FSTL4: variants seen among roughly 807,000 people sequenced by gnomAD.
The protein encoded by FSTL4 is follistatin-related protein 4.
Under a neutral mutation model 78.2 loss-of-function variants are expected in FSTL4, and 28 were observed. That is an observed-to-expected ratio of 0.36 (90% CI 0.27 to 0.49). The LOEUF (loss-of-function observed/expected upper bound fraction) is 0.49. Among genes scored for constraint, FSTL4 ranks in the 20% least tolerant of loss-of-function variants. FSTL4 has a pLI of 0.98. For missense variants in FSTL4, 922 were observed against 1,084.9 expected, an observed-to-expected ratio of 0.85 and a Z score of 2.11; for synonymous variants, 422 against 440.5, an observed-to-expected ratio of 0.96 and a Z score of 0.53.
the FSTL4 span, among the ~76,000 whole-genome samples, chr5:133,663,494 T>C: frequency 2.6e-5 from 4 of 152,242 alleles, no homozygotes; most frequent in African/African-American, 9.6e-5. Flanking sequence ...ATTGGTTAAC[T>C]GATGAGTGTT....
At chr5:133,647,289 G>A in the FSTL4 span, among the ~76,000 whole-genome samples, 166 of 152,244 alleles carry the variant, frequency 1.1e-3, no homozygotes, top group Non-Finnish European at 1.9e-3. Flanking sequence ...TAAAATCACT[G>A]ATGTTTTAGC....
At chr5:133,647,723 C>T in the FSTL4 span, among the ~76,000 whole-genome samples, 1 of 152,132 alleles carries the variant, frequency 6.6e-6, no homozygotes, top group African/African-American at 2.4e-5. Flanking sequence ...GTCTCTTTAC[C>T]CTTCTTAGGG....
the FSTL4 span, among the ~76,000 whole-genome samples, chr5:133,822,250 C>T: frequency 6.6e-6 from 1 of 152,150 alleles, no homozygotes; most frequent in African/African-American, 2.4e-5. Flanking sequence ...ATTTGTGGAG[C>T]TATTTCAATT....
At chr5:133,789,965 C>T in the FSTL4 span, among the ~76,000 whole-genome samples, 18 of 152,120 alleles carry the variant, frequency 1.2e-4, no homozygotes, top group East Asian at 3.3e-3. Context: ...AAATATTTAC[C>T]CCATAACGCT....
At chr5:133,778,154 A>G in the FSTL4 span, among the ~76,000 whole-genome samples, 3 of 152,154 alleles carry the variant, frequency 2.0e-5, no homozygotes, top group African/African-American at 7.2e-5. Flanking sequence ...GACCTTCCAC[A>G]TCTGCCCCCC....
At chr5:133,331,678 A>G (rs571981978) in intron 4 of FSTL4, among the ~76,000 whole-genome samples, 7 of 152,294 alleles carry the variant, frequency 4.6e-5, no homozygotes, top group African/African-American at 1.7e-4. Context: ...GCTCAGAGAA[A>G]TTTCCTGAGG....
chr5:133,368,772 C>T (rs929781193), intron 4 of FSTL4, among the ~76,000 whole-genome samples: 1 of 152,192 alleles, frequency 6.6e-6, no homozygotes, highest in Non-Finnish European at 1.5e-5. Flanking sequence ...CAGCTGTGCC[C>T]TTGGCCTTGC....
Position 133,225,781 on chromosome 5 carries a change from G to A in FSTL4, c.1054C>T (p.Gln352Ter), listed in dbSNP as rs1251838336. The A allele has an allele frequency of 6.2e-7, 1 of 1,606,520 alleles. No individual in the cohort carries two copies. Among genetic ancestry groups the A allele is most frequent in the Non-Finnish European group, 8.5e-7 (1 of 1,176,672 alleles). The change falls in exon 9 of 16, where the codon CAG (glutamine) becomes TAG (stop). Residue 352 changes from glutamine to a stop codon, truncating the protein, a stop_gained. Coordinates refer to ENST00000265342, the MANE Select transcript of FSTL4 (RefSeq NM_015082.2). LOFTEE classifies it high-confidence loss of function. This position sits in a 1 kb window ranked among gnomAD's most constrained non-coding sequence, Gnocchi z 4.6. ...AGGCTGGCTGCCACTCCAGGCTCCT[G>A]TGCCTGGCTCTCTGGATAGACACGG... ...VIRVYPESQAQEPGVAASLRC... is the reference protein window; with the variant it reads ...VIRVYPESQA
At position 133,236,890 on chromosome 5, in the gene FSTL4, A is replaced by G. The variant is rs1424084555; in HGVS notation, c.895-3353T>C. Among the ~76,000 whole-genome samples the G allele has an allele frequency of 1.3e-5, 2 of 151,454 alleles. No individual in the cohort carries two copies. Among genetic ancestry groups the G allele is most frequent in the Middle Eastern group, 3.2e-3 (1 of 316 alleles). ...GTGCCGCCTGCTGCTTTCTGTACTT[A>G]CCTTGTTTGCTGTCTGTCTTCCCCT... is the stretch of plus-strand genomic sequence containing the variant. On this transcript the variant is annotated intron_variant, in intron 7 of 15. Coordinates refer to ENST00000265342, the MANE Select transcript of FSTL4 (RefSeq NM_015082.2). This position sits in a 1 kb window ranked among gnomAD's most constrained non-coding sequence, Gnocchi z 5.0.
intron 4 of FSTL4, among the ~76,000 whole-genome samples, chr5:133,328,562 T>G (rs927135705): frequency 3.3e-5 from 5 of 152,170 alleles, no homozygotes; most frequent in Non-Finnish European, 7.3e-5. Context: ...AAGAACTTTA[T>G]TTTTTACTAT....
chr5:133,277,891 G>A (rs907165572), intron 6 of FSTL4, among the ~76,000 whole-genome samples: 14 of 152,172 alleles, frequency 9.2e-5, no homozygotes, highest in Admixed American at 5.9e-4. Flanking sequence ...GAGTAGGTGG[G>A]GGCCTCATAG....
At chr5:133,307,711 A>G (rs552412911) in intron 6 of FSTL4, among the ~76,000 whole-genome samples, 6 of 151,900 alleles carry the variant, frequency 3.9e-5, no homozygotes, top group African/African-American at 1.5e-4. Context: ...ATGTACTTGA[A>G]GTCAGGACAG....
At chr5:133,410,589 G>A (rs189265071) in intron 3 of FSTL4, among the ~76,000 whole-genome samples, 1 of 152,282 alleles carries the variant, frequency 6.6e-6, no homozygotes, top group African/African-American at 2.4e-5. Flanking sequence ...CAGCACAGAT[G>A]GGGAGCTAAA....
chr5:133,421,004 C>T (rs1468905458), intron 3 of FSTL4, among the ~76,000 whole-genome samples: 3 of 152,232 alleles, frequency 2.0e-5, no homozygotes, highest in Admixed American at 6.5e-5. Flanking sequence ...CTGCCTGCTT[C>T]TCACCCCTAT....
chr5:133,766,057 G>C, the FSTL4 span, among the ~76,000 whole-genome samples: 1 of 152,136 alleles, frequency 6.6e-6, no homozygotes, highest in East Asian at 1.9e-4. Flanking sequence ...GACCCATAAG[G>C]AGGAGTGACT....
At chr5:133,555,714 G>C (rs145063808) in intron 3 of FSTL4, among the ~76,000 whole-genome samples, 3 of 152,028 alleles carry the variant, frequency 2.0e-5, no homozygotes, top group African/African-American at 7.2e-5. Flanking sequence ...TTTATTTTCC[G>C]CTGAAGTTTC....
chr5:133,208,563 T>G (rs191543368), intron 14 of FSTL4, among the ~76,000 whole-genome samples: 4 of 152,360 alleles, frequency 2.6e-5, no homozygotes, highest in African/African-American at 9.6e-5. Context: ...AAACTTCTGT[T>G]CTTCCCACTT....
intron 4 of FSTL4, among the ~76,000 whole-genome samples, chr5:133,321,147 G>T (rs1318014023): frequency 6.6e-6 from 1 of 152,186 alleles, no homozygotes; most frequent in Non-Finnish European, 1.5e-5. Context: ...AAGAGAGGTG[G>T]GGGGTATGGG....
At chr5:133,290,524 G>A (rs1479711106) in intron 6 of FSTL4, among the ~76,000 whole-genome samples, 3 of 152,226 alleles carry the variant, frequency 2.0e-5, no homozygotes, top group East Asian at 1.9e-4. Context: ...CCACACGGGC[G>A]ACTGGGGCCC....
Sources: gnomAD v4.1 joint callset for allele counts (sites outside exome capture counted in the v4.1 genomes callset) on GRCh38, gnomAD v4.1.1 for gene constraint, Gnocchi (gnomAD v3.1) non-coding constraint, MANE v1.5 for transcripts, NCBI Gene and HGNC (gene_info 2026-07-23, HGNC 2026-07-21) for gene names.